RIMS1: variants seen among roughly 807,000 people sequenced by gnomAD.
RIMS1 encodes regulating synaptic membrane exocytosis protein 1.
RIMS1 carries 83 observed loss-of-function variants against 214.1 expected under a neutral mutation model. The ratio of observed to expected loss-of-function variants is 0.39; its 90% CI spans 0.32 to 0.47. The LOEUF (loss-of-function observed/expected upper bound fraction) is 0.47. RIMS1 is among the 20% of genes least tolerant of loss of function. The pLI, the probability that RIMS1 is intolerant of heterozygous loss-of-function variation, is 0.99. For missense variants in RIMS1, 2,050 were observed against 2,161.8 expected, an observed-to-expected ratio of 0.95 and a Z score of 1.03; for synonymous variants, 793 against 786.8, an observed-to-expected ratio of 1.01 and a Z score of -0.13.
intron 29 of RIMS1, among the ~76,000 whole-genome samples, chr6:72,380,726 C>T (rs535978259): frequency 6.6e-6 from 1 of 152,028 alleles, no homozygotes; most frequent in East Asian, 1.9e-4. Flanking sequence ...GAGATAGGGT[C>T]TCTCTGTGTT....
At chr6:72,086,395 GA>G (rs1179381325) in intron 2 of RIMS1, among the ~76,000 whole-genome samples, 13 of 152,132 alleles carry the variant, frequency 8.5e-5, no homozygotes, top group Admixed American at 8.5e-4. Flanking sequence ...TTCAAGCTAT[GA>G]AAGGAAGTTC....
intron 1 of RIMS1, among the ~76,000 whole-genome samples, chr6:71,963,997 G>C (rs937187765): frequency 2.0e-5 from 3 of 152,136 alleles, no homozygotes; most frequent in African/African-American, 4.8e-5. Flanking sequence ...CTCTGATCTT[G>C]AGTAGTTCGT....
intron 6 of RIMS1, among the ~76,000 whole-genome samples, chr6:72,228,065 A>G (rs1012857227): frequency 6.6e-6 from 1 of 151,946 alleles, no homozygotes; most frequent in Non-Finnish European, 1.5e-5. Flanking sequence ...AGAAATATAC[A>G]CTCATAAAAC....
chr6:72,188,005 C>G (rs1473390580), intron 6 of RIMS1, among the ~76,000 whole-genome samples: 6 of 152,172 alleles, frequency 3.9e-5, no homozygotes, highest in Admixed American at 3.9e-4. Context: ...TGTTGGAGGG[C>G]AGGAAACATC....
chr6:72,067,856 T>C (rs1398806970), intron 2 of RIMS1, among the ~76,000 whole-genome samples: 1 of 152,136 alleles, frequency 6.6e-6, no homozygotes, highest in Non-Finnish European at 1.5e-5. Flanking sequence ...TTAATGTGAG[T>C]CAAGTACTTT....
intron 2 of RIMS1, among the ~76,000 whole-genome samples, chr6:72,021,575 C>T (rs1241605675): frequency 2.0e-5 from 3 of 152,032 alleles, no homozygotes; most frequent in Non-Finnish European, 2.9e-5. Flanking sequence ...ACCTGGTGCA[C>T]GAAGAAAGAA....
At chr6:72,257,819 C>T (rs1048900740) in intron 16 of RIMS1, among the ~76,000 whole-genome samples, 4 of 152,242 alleles carry the variant, frequency 2.6e-5, no homozygotes, top group Middle Eastern at 3.4e-3. Flanking sequence ...AAGTCACGAA[C>T]TCGTTCATTA....
chr6:72,342,968 A>ACCTC (rs1277180550), intron 29 of RIMS1, among the ~76,000 whole-genome samples: 1 of 151,780 alleles, frequency 6.6e-6, no homozygotes, highest in Non-Finnish European at 1.5e-5. Context: ...GGTATTAACA[A>ACCTC]ATGGAGAGAG....
At chr6:72,316,487 C>T (rs2095804870) in intron 28 of RIMS1, 3 of 349,058 alleles carry the variant, frequency 8.6e-6, no homozygotes, top group African/African-American at 2.1e-5. Flanking sequence ...AAGGCTGCTA[C>T]CTGGTGTTTT....
chr6:71,924,213 C>G (rs1780876957), intron 1 of RIMS1, among the ~76,000 whole-genome samples: 1 of 152,132 alleles, frequency 6.6e-6, no homozygotes, highest in African/African-American at 2.4e-5. Context: ...ATACAAAACA[C>G]ATATAATGTC....
chr6:72,226,411 C>A (rs933242550), intron 6 of RIMS1, among the ~76,000 whole-genome samples: 1 of 151,964 alleles, frequency 6.6e-6, no homozygotes, highest in Admixed American at 6.6e-5. Flanking sequence ...ATATCGATTA[C>A]CCTTTTCAAA....
At position 72,196,580 on chromosome 6, in the gene RIMS1, C is replaced by CTTTTTTTTTTTTTTTTTTT. The variant is rs61651151; in HGVS notation, c.1678+13436_1678+13454dup. 2.8e-3 allele frequency among the ~76,000 whole-genome samples: 158 copies of CTTTTTTTTTTTTTTTTTTT among 57,198 alleles called. 57 individuals carry two copies. The highest frequency in any genetic ancestry group is 4.8e-3 in the East Asian group (8 of 1,666). The allele number at this position is 57,198 out of a possible 152,430, so 37.5% of individuals were successfully genotyped here. A position where few individuals can be genotyped will look rare whatever the true frequency, so the allele number is the denominator to read the frequency against. Reference sequence around the variant, plus strand: ...AGTACTGTGCTGGCAGCCAGCTGCACTTTTTTTTTTTTTTTTTTTTTTTAC... The same window carrying CTTTTTTTTTTTTTTTTTTT: ...AGTACTGTGCTGGCAGCCAGCTGCACTTTTTTTTTTTTTTTTTTTTTTTTTTTTTTTTTTTTTTTTTTAC... On this transcript the variant is annotated intron_variant, in intron 6 of 33. Coordinates refer to ENST00000521978, the MANE Select transcript of RIMS1 (RefSeq NM_014989.7).
intron 1 of RIMS1, among the ~76,000 whole-genome samples, chr6:71,899,735 A>G (rs1277686772): frequency 3.3e-5 from 5 of 152,158 alleles, no homozygotes; most frequent in Non-Finnish European, 7.4e-5. Context: ...GCAGCCCTAC[A>G]TCCATATGAT....
chr6:72,401,033 A>G lies in RIMS1; in HGVS notation c.*319A>G. ...TGCACACACACACACACCAAATTGAACAAACTGGAAACTCTCACTCTGTGA... is the reference window on the plus strand; with the variant it reads ...TGCACACACACACACACCAAATTGAGCAAACTGGAAACTCTCACTCTGTGA... On this transcript the variant is annotated 3_prime_UTR_variant, in exon 34 of 34. Coordinates refer to ENST00000521978, the MANE Select transcript of RIMS1 (RefSeq NM_014989.7). 1 of 242,478 alleles carries G rather than the reference A, an allele frequency of 4.1e-6. No individual in the cohort carries two copies. Among genetic ancestry groups the G allele is most frequent in the Non-Finnish European group, 8.2e-6 (1 of 122,370 alleles). The allele number at this position is 242,478 out of a possible 1,614,324, so 15.0% of individuals were successfully genotyped here.
rs147791647 is a variant in RIMS1 at position 72,174,139 on chromosome 6, G to A, written c.472-5436G>A. 1.1e-3 allele frequency among the ~76,000 whole-genome samples: 170 copies of A among 152,302 alleles called. 2 individuals are homozygous for A. The highest frequency in any genetic ancestry group is 3.9e-3 in the African/African-American group (161 of 41,560). On this transcript the variant is annotated intron_variant, in intron 4 of 33. Coordinates refer to ENST00000521978, the MANE Select transcript of RIMS1 (RefSeq NM_014989.7). ...CGGCCCTCCTCCATCTGTGATTTGAGCTACAGCTTCCTCCATTTTGTTTCA... is the reference window on the plus strand; with the variant it reads ...CGGCCCTCCTCCATCTGTGATTTGAACTACAGCTTCCTCCATTTTGTTTCA...
intron 11 of RIMS1, among the ~76,000 whole-genome samples, chr6:72,246,245 T>C (rs1404314944): frequency 6.6e-6 from 1 of 152,164 alleles, no homozygotes; most frequent in Non-Finnish European, 1.5e-5. Flanking sequence ...AGAAACTAGG[T>C]AGACACTTTA....
intron 2 of RIMS1, among the ~76,000 whole-genome samples, chr6:72,056,093 G>A (rs1174095609): frequency 1.4e-5 from 2 of 139,914 alleles, no homozygotes; most frequent in Non-Finnish European, 3.1e-5. Context: ...TAAAAAAAAA[G>A]AGATCATGCC....
chr6:72,004,020 T>G (rs1389705790), intron 2 of RIMS1, among the ~76,000 whole-genome samples: 1 of 70,690 alleles, frequency 1.4e-5, no homozygotes, highest in African/African-American at 5.9e-5. Flanking sequence ...CCCTCCCCCC[T>G]CCCCCCACCC....
At chr6:72,167,541 G>A (rs537856519) in intron 4 of RIMS1, among the ~76,000 whole-genome samples, 9 of 152,060 alleles carry the variant, frequency 5.9e-5, no homozygotes, top group Non-Finnish European at 1.3e-4. Flanking sequence ...ATGTTTTAAG[G>A]AATTTGCCAA....
Sources: gnomAD v4.1 joint callset for allele counts (sites outside exome capture counted in the v4.1 genomes callset) on GRCh38, gnomAD v4.1.1 for gene constraint, MANE v1.5 for transcripts, NCBI Gene and HGNC (gene_info 2026-07-23, HGNC 2026-07-21) for gene names.